The following NAPA variants were observed in gnomAD, a reference collection of about 807,000 sequenced individuals.
NAPA encodes NSF attachment protein alpha, also known as alpha-soluble NSF attachment protein.
Under a neutral mutation model 48.0 loss-of-function variants are expected in NAPA, and 18 were observed. The ratio of observed to expected loss-of-function variants is 0.38; its 90% confidence interval spans 0.26 to 0.56. NAPA has a LOEUF of 0.56. Among genes scored for constraint, NAPA ranks in the 20% least tolerant of loss-of-function variants. NAPA has a pLI of 0.77. For missense variants in NAPA, 315 were observed against 385.0 expected, an observed-to-expected ratio of 0.82 and a Z score of 1.52; for synonymous variants, 152 against 149.9, an observed-to-expected ratio of 1.01 and a Z score of -0.10.
Position 47,508,427 on chromosome 19 carries a change from G to A in NAPA, c.99-4925C>T, listed in dbSNP as rs114404439. On this transcript the variant is annotated intron_variant, in intron 1 of 10. Transcript: ENST00000263354. Reference sequence around the variant, plus strand: ...AGCAGAGTATGAGTTCCTGCAGGGCGGGGCCTGAGCCCAGCTCTGCTTTCC... The same window carrying A: ...AGCAGAGTATGAGTTCCTGCAGGGCAGGGCCTGAGCCCAGCTCTGCTTTCC... Among the ~76,000 whole-genome samples, 948 of 152,358 alleles carry A rather than the reference G, an allele frequency of 6.2e-3. 15 individuals are homozygous for A. The highest frequency in any genetic ancestry group is 0.022 in the African/African-American group (901 of 41,586).
intron 1 of NAPA, among the ~76,000 whole-genome samples, chr19:47,503,862 G>A (rs201345122): frequency 1.2e-4 from 18 of 152,164 alleles, no homozygotes; most frequent in East Asian, 1.9e-4. Context: ...CCCTTTCCCC[G>A]GGAGACTGCA....
chr19:47,494,454 C>T (rs1968362589), intron 4 of NAPA, among the ~76,000 whole-genome samples: 1 of 152,090 alleles, frequency 6.6e-6, no homozygotes, highest in Non-Finnish European at 1.5e-5. Flanking sequence ...CAAAAAGGAG[C>T]TGGCCAGGCA....
downstream of NAPA, among the ~76,000 whole-genome samples, chr19:47,486,819 G>A (rs935429053): frequency 6.6e-6 from 1 of 152,208 alleles, no homozygotes; most frequent in African/African-American, 2.4e-5. Flanking sequence ...GAGCAGGGCA[G>A]GTGTCAAGGA....
chr19:47,498,812 G>C (rs1364377315), intron 3 of NAPA, among the ~76,000 whole-genome samples: 2 of 152,160 alleles, frequency 1.3e-5, no homozygotes, highest in Non-Finnish European at 2.9e-5. Context: ...GCTGGCGTGC[G>C]TATCTTTAGG....
intron 4 of NAPA, chr19:47,495,243 C>A: frequency 2.4e-6 from 1 of 425,222 alleles, no homozygotes; most frequent in Non-Finnish European, 4.3e-6. Context: ...ATCCTCCCAC[C>A]TCAGCCTCCC....
intron 9 of NAPA, 113 bp downstream of exon 9, chr19:47,490,673 AAC>A (rs966980415): frequency 1.1e-5 from 10 of 883,776 alleles, no homozygotes; most frequent in African/African-American, 1.7e-5. Flanking sequence ...AACAAAACAA[AAC>A]AAAGACACCC....
intron 7 of NAPA, 59 bp downstream of exon 7, chr19:47,492,902 A>T (rs762097077): frequency 1.3e-5 from 20 of 1,542,466 alleles, no homozygotes; most frequent in Admixed American, 1.0e-4. Context: ...GGGGCTTAGG[A>T]GGAGGCACAG....
intron 3 of NAPA, among the ~76,000 whole-genome samples, chr19:47,498,424 C>G (rs1308726695): frequency 6.6e-6 from 1 of 152,212 alleles, no homozygotes; most frequent in Non-Finnish European, 1.5e-5. Flanking sequence ...AGGTGCCGCG[C>G]TGGGCATGAC....
chr19:47,495,529 G>A (rs1322604176), intron 4 of NAPA, 21 bp downstream of exon 4: 1 of 1,613,408 alleles, frequency 6.2e-7, no homozygotes, highest in Middle Eastern at 1.7e-4. Context: ...GGGGGTGTCA[G>A]GACAAGCAAG....
chr19:47,485,058 C>T (rs1968031625), downstream of NAPA, among the ~76,000 whole-genome samples: 1 of 151,998 alleles, frequency 6.6e-6, no homozygotes, highest in African/African-American at 2.4e-5. Flanking sequence ...CTTCTTGCCC[C>T]CAAGGAAAAA....
chr19:47,492,058 T>C lies in NAPA; in HGVS notation c.623A>G (p.Lys208Arg). Residue 208 changes from lysine (K) to arginine (R), a missense_variant, in exon 8 of 11, where the codon AAG (lysine) becomes AGG (arginine). Physicochemically the swap from Lys to Arg is conservative, Grantham distance 26 (BLOSUM62 2). Transcript: ENST00000263354. ...LKYSAKDYFF[K>R]AALCHFCIDM... ...GATGCAGAAGTGGCAGAGGGCCGCC[T>C]TGAAGAAGTAGTCTTTGGCGCTGTA... The C allele has an allele frequency of 6.2e-7, 1 of 1,614,122 alleles. No homozygotes were observed. The highest frequency in any genetic ancestry group is 8.5e-7 in the Non-Finnish European group (1 of 1,179,976).
In NAPA at chr19:47,493,206, A is replaced by C; in HGVS notation, c.421-32T>G. 6.4e-7 allele frequency: 1 copy of C among 1,560,318 alleles called. No individual in the cohort carries two copies. The highest frequency in any genetic ancestry group is 8.7e-7 in the Non-Finnish European group (1 of 1,147,934). On this transcript the variant is annotated intron_variant, in intron 5 of 10. Transcript: ENST00000263354. The surrounding 1 kb of genome is among the most constrained non-coding windows in gnomAD (Gnocchi z 6.4). ...AGACACGGGGGATGGGTTCCAGGGG[A>C]GGGCAGGGAAGGGAGAGGAGGCCTC...
intron 3 of NAPA, chr19:47,495,824 T>C (rs1240039730): frequency 3.6e-6 from 2 of 562,640 alleles, no homozygotes; most frequent in East Asian, 6.1e-5. Flanking sequence ...TGTGACTTGC[T>C]GGGCACATGC....
intron 9 of NAPA, among the ~76,000 whole-genome samples, 164 bp from the exon 10 acceptor site, chr19:47,489,925 C>G (rs950520923): frequency 1.6e-4 from 24 of 152,124 alleles, no homozygotes; most frequent in African/African-American, 5.8e-4. Flanking sequence ...TGGGTACGGG[C>G]GTGTTGCGAT....
At chr19:47,507,896 A>C (rs1367755691) in intron 1 of NAPA, among the ~76,000 whole-genome samples, 1 of 152,152 alleles carries the variant, frequency 6.6e-6, no homozygotes, top group Non-Finnish European at 1.5e-5. Context: ...GCTTGGAAAG[A>C]GGACTGGGGC....
At position 47,500,623 on chromosome 19, in the gene NAPA, AG is replaced by A. The variant is rs1429196762; in HGVS notation, c.295+9del. On this transcript the variant is annotated intron_variant, in intron 3 of 10. Transcript: ENST00000263354. Reference sequence around the variant, plus strand: ...GACAGCCAGCCCGTGTGGCCCGCAGAGGCCCTCACCTTGGGGGTCGGCTTTC... The same window carrying A: ...GACAGCCAGCCCGTGTGGCCCGCAGAGCCCTCACCTTGGGGGTCGGCTTTC... The A allele has an allele frequency of 6.3e-7, 1 of 1,597,682 alleles. No individual in the cohort carries two copies. Among genetic ancestry groups the A allele is most frequent in the African/African-American group, 1.3e-5 (1 of 74,180 alleles).
chr19:47,500,755 A>C lies in NAPA; in HGVS notation c.179-6T>G. 1 of 1,599,632 alleles carries C rather than the reference A, an allele frequency of 6.3e-7. No individual in the cohort carries two copies. Among genetic ancestry groups the C allele is most frequent in the Non-Finnish European group, 8.5e-7 (1 of 1,172,388 alleles). On this transcript the variant is annotated splice_polypyrimidine_tract_variant and splice_region_variant and intron_variant, in intron 2 of 10. Coordinates refer to ENST00000263354, the MANE Select transcript of NAPA (RefSeq NM_003827.4). ...GCAGAACGCGTTTCCAGCAGCTGGAACAGAAGAGAAGGGCAGTCCTGGCCT... is the reference window on the plus strand; with the variant it reads ...GCAGAACGCGTTTCCAGCAGCTGGACCAGAAGAGAAGGGCAGTCCTGGCCT...
At chr19:47,486,174 G>A (rs1210187006), downstream of NAPA, among the ~76,000 whole-genome samples, 1 of 152,140 alleles carries the variant, frequency 6.6e-6, no homozygotes, top group South Asian at 2.1e-4. Context: ...GGCCAACATG[G>A]TGAAACGCTG....
At chr19:47,509,314 T>TAAAATAAAATAAAAA (rs1968757011) in intron 1 of NAPA, among the ~76,000 whole-genome samples, 6 of 141,292 alleles carry the variant, frequency 4.2e-5, no homozygotes, top group African/African-American at 1.3e-4. Context: ...TAAAATAAAA[T>TAAAATAAAATAAAAA]AAAATAAAAT....
Sources: gnomAD v4.1 joint callset for allele counts (sites outside exome capture counted in the v4.1 genomes callset) on GRCh38, gnomAD v4.1.1 for gene constraint, Gnocchi (gnomAD v3.1) non-coding constraint, MANE v1.5 for transcripts, NCBI Gene and HGNC (gene_info 2026-07-23, HGNC 2026-07-21) for gene names.